HNRNPC: variants seen among roughly 807,000 people sequenced by gnomAD.
HNRNPC encodes the protein heterogeneous nuclear ribonucleoproteins C1/C2.
HNRNPC carries 3 observed loss-of-function variants against 33.2 expected under a neutral mutation model. The observed-to-expected ratio is 0.09, with a 90% CI of 0.04 to 0.23. The LOEUF (loss-of-function observed/expected upper bound fraction) is 0.23. HNRNPC is among the 10% of genes least tolerant of loss of function. The probability of loss-of-function intolerance (pLI) is 1.00; values close to 1 mark genes in which losing one functional copy is unlikely to be tolerated. For synonymous variants in HNRNPC, 121 were observed against 126.7 expected (o/e 0.96, Z 0.30); for missense variants, 143 against 366.7 (o/e 0.39, Z 4.98).
At chr14:21,258,746 A>G (rs1050352384) in intron 2 of HNRNPC, among the ~76,000 whole-genome samples, 1 of 152,210 alleles carries the variant, frequency 6.6e-6, no homozygotes, top group Non-Finnish European at 1.5e-5. Flanking sequence ...AATAATTAGT[A>G]ATTTCCTGGA....
intron 5 of HNRNPC, among the ~76,000 whole-genome samples, chr14:21,225,226 G>C (rs3790069): frequency 0.15 from 23,150 of 151,288 alleles, 2,252 homozygotes; most frequent in South Asian, 0.23. Flanking sequence ...TTTGAGACCA[G>C]TCTGGCCAAC....
chr14:21,253,618 A>C (rs571736029), intron 2 of HNRNPC, among the ~76,000 whole-genome samples: 112 of 152,290 alleles, frequency 7.4e-4, no homozygotes, highest in African/African-American at 2.5e-3. Context: ...TTCAACTTAA[A>C]AACTTAGCAA....
chr14:21,226,296 C>T (rs1412718206), intron 5 of HNRNPC, among the ~76,000 whole-genome samples: 1 of 149,128 alleles, frequency 6.7e-6, no homozygotes, highest in African/African-American at 2.5e-5. Context: ...GCACTCCAGC[C>T]CGGGAGACAG....
intron 2 of HNRNPC, among the ~76,000 whole-genome samples, chr14:21,258,389 CAAA>C (rs200828812): frequency 7.5e-6 from 1 of 132,666 alleles, no homozygotes; most frequent in Non-Finnish European, 1.6e-5. Context: ...GACTATGTCT[CAAA>C]AAAAAAAAAA....
At chr14:21,212,088 C>A in intron 6 of HNRNPC, 165 bp from the exon 7 acceptor site, 1 of 601,824 alleles carries the variant, frequency 1.7e-6, no homozygotes. Flanking sequence ...TATTATAAAG[C>A]ACGTTCTGTA....
intron 2 of HNRNPC, among the ~76,000 whole-genome samples, chr14:21,242,002 G>C (rs888015765): frequency 1.3e-5 from 2 of 152,108 alleles, no homozygotes; most frequent in African/African-American, 4.8e-5. Context: ...CTACTAGGTA[G>C]CCATCTTTTT....
At chr14:21,230,445 C>A in intron 4 of HNRNPC, 79 bp from the exon 5 acceptor site, 1 of 930,826 alleles carries the variant, frequency 1.1e-6, no homozygotes, top group Non-Finnish European at 1.7e-6. Context: ...GAGAACCATG[C>A]CAAATAAACC....
intron 2 of HNRNPC, among the ~76,000 whole-genome samples, chr14:21,257,657 C>T (rs745679718): frequency 1.5e-4 from 23 of 152,062 alleles, no homozygotes; most frequent in Non-Finnish European, 2.5e-4. Flanking sequence ...GCAATCATAA[C>T]TCACACTGAC....
At chr14:21,262,404 CAA>C (rs1566649224) in intron 2 of HNRNPC, among the ~76,000 whole-genome samples, 1 of 152,214 alleles carries the variant, frequency 6.6e-6, no homozygotes, top group African/African-American at 2.4e-5. Flanking sequence ...CTAATCAGCC[CAA>C]GTTAATTAGC....
chr14:21,222,526 T>C (rs1437486948), intron 5 of HNRNPC, among the ~76,000 whole-genome samples: 1 of 152,196 alleles, frequency 6.6e-6, no homozygotes, highest in Non-Finnish European at 1.5e-5. Flanking sequence ...ACTTCTTTCA[T>C]TTTATGGTTA....
At chr14:21,240,047 A>T (rs1054103535) in intron 2 of HNRNPC, among the ~76,000 whole-genome samples, 5 of 152,196 alleles carry the variant, frequency 3.3e-5, no homozygotes, top group African/African-American at 1.2e-4. Context: ...AACAAGTCAA[A>T]ACCAGGAATA....
At chr14:21,247,595 A>C (rs1896129629) in intron 2 of HNRNPC, among the ~76,000 whole-genome samples, 1 of 152,128 alleles carries the variant, frequency 6.6e-6, no homozygotes, top group Admixed American at 6.5e-5. Context: ...TTAAAAAAAT[A>C]AATCAAAATT....
intron 2 of HNRNPC, among the ~76,000 whole-genome samples, chr14:21,240,425 T>C (rs149215918): frequency 9.2e-5 from 14 of 152,326 alleles, no homozygotes; most frequent in African/African-American, 2.9e-4. Flanking sequence ...AAATACTTCA[T>C]TACCATTACA....
chr14:21,212,466 TGA>T (rs1891721108), intron 6 of HNRNPC, among the ~76,000 whole-genome samples: 1 of 152,072 alleles, frequency 6.6e-6, no homozygotes, highest in Non-Finnish European at 1.5e-5. Context: ...TAAAGTCAAA[TGA>T]CATTTTTTAA....
intron 2 of HNRNPC, among the ~76,000 whole-genome samples, chr14:21,236,657 T>C (rs985433872): frequency 1.3e-5 from 2 of 152,174 alleles, no homozygotes; most frequent in Non-Finnish European, 2.9e-5. Flanking sequence ...GTTTTAGAAA[T>C]AACCAAATGA....
intron 5 of HNRNPC, among the ~76,000 whole-genome samples, chr14:21,226,898 G>GAAAAAA (rs751786293): frequency 0.038 from 3,018 of 78,652 alleles, 134 homozygotes; most frequent in Admixed American, 0.13. Flanking sequence ...AAAAAAAAGG[G>GAAAAAA]GGGGGGGGGA....
chr14:21,221,655 T>C (rs1366625301), intron 5 of HNRNPC, among the ~76,000 whole-genome samples: 1 of 152,220 alleles, frequency 6.6e-6, no homozygotes, highest in Non-Finnish European at 1.5e-5. Flanking sequence ...TCAGATGTTG[T>C]ACTCAGAGTC....
chr14:21,257,684 CAATT>C (rs1217131657), intron 2 of HNRNPC, among the ~76,000 whole-genome samples: 1 of 152,126 alleles, frequency 6.6e-6, no homozygotes, highest in African/African-American at 2.4e-5. Flanking sequence ...CTCCTGAACT[CAATT>C]AATTCTACCG....
At chr14:21,253,161 A>T (rs1214593780) in intron 2 of HNRNPC, among the ~76,000 whole-genome samples, 1 of 146,022 alleles carries the variant, frequency 6.8e-6, no homozygotes, top group Non-Finnish European at 1.5e-5. Context: ...CAACAGAGCA[A>T]GACTCTGTCT....
Sources: gnomAD v4.1 joint callset for allele counts (sites outside exome capture counted in the v4.1 genomes callset) on GRCh38, gnomAD v4.1.1 for gene constraint, MANE v1.5 for transcripts, NCBI Gene and HGNC (gene_info 2026-07-23, HGNC 2026-07-21) for gene names.